The following GABRR2 variants were observed in gnomAD, a reference collection of about 807,000 sequenced individuals.
GABRR2 encodes the protein gamma-aminobutyric acid receptor subunit rho-2.
A neutral mutation model predicts 47.0 loss-of-function variants in GABRR2; 36 were observed. The observed-to-expected ratio is 0.77, with a 90% CI of 0.59 to 1.01. GABRR2 has a LOEUF of 1.01. Ranked by LOEUF, GABRR2 falls within the 50% of genes least tolerant of loss-of-function variation. GABRR2 has a pLI of 0.00. For synonymous variants in GABRR2, 204 were observed against 227.5 expected, an observed-to-expected ratio of 0.90 and a Z score of 0.93; for missense variants, 587 against 594.6, an observed-to-expected ratio of 0.99 and a Z score of 0.13.
chr6:89,264,761 CTA>C (rs1773849357), intron 7 of GABRR2, among the ~76,000 whole-genome samples, 153 bp from the exon 8 acceptor site: 2 of 152,280 alleles, frequency 1.3e-5, no homozygotes, highest in Admixed American at 1.3e-4. Flanking sequence ...ATCTGCCCTA[CTA>C]GCAGCCAGGC....
intron 2 of GABRR2, among the ~76,000 whole-genome samples, chr6:89,280,752 A>G (rs1774245188): frequency 6.6e-6 from 1 of 152,256 alleles, no homozygotes; most frequent in Non-Finnish European, 1.5e-5. Context: ...CTTGAAGAAA[A>G]GTTGGTCATT....
intron 2 of GABRR2, among the ~76,000 whole-genome samples, chr6:89,275,473 C>T (rs1254429304): frequency 6.6e-6 from 1 of 152,048 alleles, no homozygotes; most frequent in Non-Finnish European, 1.5e-5. Context: ...GGAGTTTCAC[C>T]ATCTTGGCCA....
chr6:89,289,868 G>A (rs1774405151), intron 2 of GABRR2, among the ~76,000 whole-genome samples: 1 of 152,260 alleles, frequency 6.6e-6, no homozygotes, highest in African/African-American at 2.4e-5. Context: ...GGCTTCTGGT[G>A]AGGGCCTCGT....
chr6:89,292,727 G>GTATCTCTGA (rs1246042670), intron 2 of GABRR2, among the ~76,000 whole-genome samples: 1,858 of 128,198 alleles, frequency 0.014, 382 homozygotes, highest in East Asian at 0.13. Context: ...GATATATATC[G>GTATCTCTGA]TATATATCAT....
At chr6:89,304,341 G>T (rs934495934) in intron 1 of GABRR2, among the ~76,000 whole-genome samples, 1 of 152,102 alleles carries the variant, frequency 6.6e-6, no homozygotes, top group Non-Finnish European at 1.5e-5. Context: ...TGAGGCAGGA[G>T]GATCACTTTG....
chr6:89,288,641 C>T (rs578165067), intron 2 of GABRR2, among the ~76,000 whole-genome samples: 1 of 152,016 alleles, frequency 6.6e-6, no homozygotes, highest in Non-Finnish European at 1.5e-5. Context: ...AACCCAGTGT[C>T]CATGTTTTAT....
intron 2 of GABRR2, among the ~76,000 whole-genome samples, chr6:89,282,453 T>G (rs1319155603): frequency 2.0e-5 from 3 of 152,210 alleles, no homozygotes; most frequent in African/African-American, 7.2e-5. Flanking sequence ...CCCAATGGAC[T>G]AAGTTGACAT....
chr6:89,295,719 T>G (rs1479503885), intron 2 of GABRR2, among the ~76,000 whole-genome samples: 1 of 152,030 alleles, frequency 6.6e-6, no homozygotes, highest in Non-Finnish European at 1.5e-5. Flanking sequence ...ATGTCCTGAA[T>G]GGTATTGCCT....
At chr6:89,269,649 C>G (rs1272233796) in intron 3 of GABRR2, among the ~76,000 whole-genome samples, 1 of 152,216 alleles carries the variant, frequency 6.6e-6, no homozygotes, top group Non-Finnish European at 1.5e-5. Context: ...GAATGTCTCT[C>G]TTAGGAGGAT....
chr6:89,305,977 T>C (rs931196750), intron 1 of GABRR2, among the ~76,000 whole-genome samples: 1 of 151,248 alleles, frequency 6.6e-6, no homozygotes, highest in African/African-American at 2.4e-5. Context: ...AATAAGAATC[T>C]CACCCAGGAT....
intron 7 of GABRR2, among the ~76,000 whole-genome samples, chr6:89,264,961 A>T (rs1773854952): frequency 6.6e-6 from 1 of 152,104 alleles, no homozygotes; most frequent in Non-Finnish European, 1.5e-5. Flanking sequence ...GAATGTGCCT[A>T]TTCCTTGAAG....
intron 1 of GABRR2, among the ~76,000 whole-genome samples, chr6:89,306,170 A>G (rs2127849768): frequency 6.6e-6 from 1 of 151,406 alleles, no homozygotes; most frequent in Non-Finnish European, 1.5e-5. Flanking sequence ...TGAGCCCAGG[A>G]GTTTGAGACC....
intron 8 of GABRR2, 71 bp downstream of exon 8, chr6:89,264,341 C>T (rs917121514): frequency 1.3e-6 from 2 of 1,504,752 alleles, no homozygotes; most frequent in African/African-American, 1.4e-5. Context: ...TGCCTCTGCC[C>T]CCTGGCCCAG....
chr6:89,293,026 A>G (rs1774498128), intron 2 of GABRR2, among the ~76,000 whole-genome samples: 1 of 152,062 alleles, frequency 6.6e-6, no homozygotes, highest in Non-Finnish European at 1.5e-5. Flanking sequence ...AGCACTATTC[A>G]CAATAGCCAA....
intron 1 of GABRR2, among the ~76,000 whole-genome samples, chr6:89,313,841 C>T (rs768680269): frequency 1.3e-5 from 2 of 152,010 alleles, no homozygotes; most frequent in African/African-American, 2.4e-5. Context: ...CGCTTGAACC[C>T]GGGAGGTGGA....
chr6:89,288,286 G>A (rs1214798503), intron 2 of GABRR2, among the ~76,000 whole-genome samples: 5 of 151,556 alleles, frequency 3.3e-5, no homozygotes, highest in African/African-American at 1.2e-4. Context: ...ACAAAAAAAA[G>A]GAGGGCTAGA....
chr6:89,268,954 T>TG, intron 4 of GABRR2, 57 bp downstream of exon 4: 2 of 1,513,008 alleles, frequency 1.3e-6, no homozygotes, highest in East Asian at 4.5e-5. Flanking sequence ...CCAAAGGGCC[T>TG]GACCACACAT....
intron 2 of GABRR2, among the ~76,000 whole-genome samples, chr6:89,287,491 G>A (rs573443071): frequency 3.3e-5 from 5 of 152,232 alleles, no homozygotes; most frequent in Non-Finnish European, 7.3e-5. Context: ...AACAGGGCCC[G>A]TGTCTTTGTC....
At chr6:89,290,761 A>G (rs1774425766) in intron 2 of GABRR2, among the ~76,000 whole-genome samples, 1 of 152,198 alleles carries the variant, frequency 6.6e-6, no homozygotes, top group Non-Finnish European at 1.5e-5. Flanking sequence ...GATGAGGGGA[A>G]TGGCTTCTCC....
Sources: allele counts gnomAD v4.1 joint callset (sites outside exome capture counted in the v4.1 genomes callset), GRCh38; gene constraint gnomAD v4.1.1; transcripts MANE v1.5; gene names NCBI Gene and HGNC (gene_info 2026-07-23, HGNC 2026-07-21).